Variants in AGBL4 observed in about 807,000 individuals in gnomAD.
AGBL4 encodes AGBL carboxypeptidase 4, also known as cytosolic carboxypeptidase 6.
Under a neutral mutation model 66.4 loss-of-function variants are expected in AGBL4, and 58 were observed. That is an observed-to-expected ratio of 0.87 (90% CI 0.71 to 1.09). The LOEUF (loss-of-function observed/expected upper bound fraction) is 1.09, where lower values mean the gene tolerates loss of function less well. AGBL4 is among the 50% of genes least tolerant of loss of function. The pLI is 0.00. For synonymous variants in AGBL4, 234 were observed against 222.9 expected (o/e 1.05, Z -0.44); for missense variants, 579 against 631.0 (o/e 0.92, Z 0.88).
chr1:49,789,902 G>C (rs1265900377), intron 2 of AGBL4, among the ~76,000 whole-genome samples: 1 of 152,124 alleles, frequency 6.6e-6, no homozygotes, highest in Non-Finnish European at 1.5e-5. Flanking sequence ...AACAAAGCTG[G>C]AGGCATCATG....
chr1:49,831,967 C>A (rs1027924275), intron 2 of AGBL4, among the ~76,000 whole-genome samples: 2 of 151,202 alleles, frequency 1.3e-5, no homozygotes, highest in Admixed American at 6.6e-5. Flanking sequence ...CTGACTAGAT[C>A]GTGGTGGATA....
At chr1:50,007,789 C>T (rs1247548476) in intron 1 of AGBL4, among the ~76,000 whole-genome samples, 3 of 151,868 alleles carry the variant, frequency 2.0e-5, no homozygotes, top group Non-Finnish European at 4.4e-5. Context: ...AAGAAACACA[C>T]TTCACCTATA....
chr1:49,650,926 C>A (rs1010934710), intron 3 of AGBL4, among the ~76,000 whole-genome samples: 1 of 152,142 alleles, frequency 6.6e-6, no homozygotes, highest in African/African-American at 2.4e-5. Flanking sequence ...GCATTTCCAG[C>A]ACTATTCATG....
At chr1:48,703,435 G>C (rs1256012702) in intron 6 of AGBL4, among the ~76,000 whole-genome samples, 1 of 152,110 alleles carries the variant, frequency 6.6e-6, no homozygotes, top group Non-Finnish European at 1.5e-5. Flanking sequence ...GATAAGAAAG[G>C]AGATGATAGA....
intron 3 of AGBL4, among the ~76,000 whole-genome samples, chr1:49,321,600 C>T (rs1645133509): frequency 6.6e-6 from 1 of 152,156 alleles, no homozygotes; most frequent in Admixed American, 6.5e-5. Context: ...GAAATGCTCA[C>T]ATATGAGTAA....
intron 3 of AGBL4, among the ~76,000 whole-genome samples, chr1:49,645,414 C>A: frequency 6.7e-6 from 1 of 150,048 alleles, no homozygotes; most frequent in East Asian, 1.9e-4. Flanking sequence ...ATTATTATGA[C>A]AATTTCATGC....
At chr1:49,089,361 A>C (rs1294128530) in intron 4 of AGBL4, among the ~76,000 whole-genome samples, 1 of 151,950 alleles carries the variant, frequency 6.6e-6, no homozygotes, top group Non-Finnish European at 1.5e-5. Context: ...ACTGCTAGCT[A>C]GACTAATAAA....
intron 3 of AGBL4, among the ~76,000 whole-genome samples, chr1:49,593,094 T>A (rs1042776299): frequency 6.6e-5 from 10 of 152,174 alleles, no homozygotes; most frequent in African/African-American, 2.2e-4. Context: ...ATATTCATCA[T>A]CATGGCATTG....
At chr1:49,328,993 C>T (rs1264167588) in intron 3 of AGBL4, among the ~76,000 whole-genome samples, 1 of 152,146 alleles carries the variant, frequency 6.6e-6, no homozygotes, top group African/African-American at 2.4e-5. Context: ...CTTATTGTGT[C>T]ACTCTGGACC....
At chr1:49,891,966 G>C (rs966242929) in intron 1 of AGBL4, among the ~76,000 whole-genome samples, 5 of 152,124 alleles carry the variant, frequency 3.3e-5, no homozygotes, top group African/African-American at 4.8e-5. Context: ...TCAACTTGCT[G>C]GATAAGACGG....
chr1:48,901,610 T>G (rs1652087601), intron 5 of AGBL4, among the ~76,000 whole-genome samples: 1 of 152,180 alleles, frequency 6.6e-6, no homozygotes, highest in African/African-American at 2.4e-5. Flanking sequence ...AAAAGAAGCC[T>G]GACAAAAAGC....
At chr1:49,338,897 C>T (rs766931506) in intron 3 of AGBL4, among the ~76,000 whole-genome samples, 19 of 152,060 alleles carry the variant, frequency 1.2e-4, no homozygotes, top group Non-Finnish European at 2.2e-4. Flanking sequence ...CAGTGTCTGG[C>T]ACATATTTGG....
chr1:49,381,237 A>C (rs1391251761), intron 3 of AGBL4, among the ~76,000 whole-genome samples: 3 of 152,246 alleles, frequency 2.0e-5, no homozygotes, highest in Non-Finnish European at 4.4e-5. Flanking sequence ...CAAAAAACAC[A>C]TGAAAAAATG....
intron 5 of AGBL4, among the ~76,000 whole-genome samples, chr1:49,023,318 A>T (rs1037061058): frequency 8.5e-5 from 13 of 152,306 alleles, no homozygotes; most frequent in African/African-American, 2.9e-4. Context: ...AGGCAGGCTC[A>T]GTTAGTATGG....
chr1:49,938,230 A>G (rs1424839354), intron 1 of AGBL4, among the ~76,000 whole-genome samples: 4 of 152,190 alleles, frequency 2.6e-5, no homozygotes, highest in Non-Finnish European at 5.9e-5. Flanking sequence ...CTACGCAAAT[A>G]AACCAGAAAA....
intron 7 of AGBL4, among the ~76,000 whole-genome samples, chr1:48,655,180 C>G (rs563918089): frequency 7.2e-5 from 11 of 152,174 alleles, no homozygotes; most frequent in Admixed American, 3.9e-4. Context: ...CTGCAGCTGC[C>G]CAGAGCTCCC....
chr1:49,941,849 C>T (rs1654789602), intron 1 of AGBL4, among the ~76,000 whole-genome samples: 1 of 151,984 alleles, frequency 6.6e-6, no homozygotes, highest in African/African-American at 2.4e-5. Context: ...ATTCTCATCA[C>T]TTGTATTCAA....
intron 3 of AGBL4, among the ~76,000 whole-genome samples, chr1:49,363,083 A>G (rs1308768203): frequency 6.6e-6 from 1 of 152,178 alleles, no homozygotes; most frequent in African/African-American, 2.4e-5. Flanking sequence ...TATAGATGGT[A>G]TATATGACCC....
At chr1:49,921,833 G>A (rs1041640293) in intron 1 of AGBL4, among the ~76,000 whole-genome samples, 27 of 152,250 alleles carry the variant, frequency 1.8e-4, no homozygotes, top group South Asian at 4.1e-4. Context: ...GCTGGCAGCC[G>A]ATTGGATGGT....
Sources: allele counts gnomAD v4.1 joint callset (sites outside exome capture counted in the v4.1 genomes callset), GRCh38; gene constraint gnomAD v4.1.1; transcripts MANE v1.5; gene names NCBI Gene and HGNC (gene_info 2026-07-23, HGNC 2026-07-21).